SCN3A: variants seen among roughly 807,000 people sequenced by gnomAD.
SCN3A encodes the protein sodium voltage-gated channel alpha subunit 3, also known as sodium channel protein type 3 subunit alpha.
Under a neutral mutation model 187.6 loss-of-function variants are expected in SCN3A, and 60 were observed. The ratio of observed to expected loss-of-function variants is 0.32; its 90% CI spans 0.26 to 0.40. The LOEUF is 0.40. Among genes scored for constraint, SCN3A ranks in the 10% least tolerant of loss-of-function variants. The pLI is 1.00. For synonymous variants in SCN3A, 788 were observed against 829.2 expected, an observed-to-expected ratio of 0.95 and a Z score of 0.85; for missense variants, 1,601 against 2,428.2, an observed-to-expected ratio of 0.66 and a Z score of 7.16.
At chr2:165,198,550 T>C (rs1298059377) in intron 1 of SCN3A, among the ~76,000 whole-genome samples, 1 of 151,990 alleles carries the variant, frequency 6.6e-6, no homozygotes, top group Non-Finnish European at 1.5e-5. Flanking sequence ...AGGGAAATAT[T>C]TACTAACAAT....
At chr2:165,142,050 A>T (rs570744384) in intron 12 of SCN3A, among the ~76,000 whole-genome samples, 267 of 152,270 alleles carry the variant, frequency 1.8e-3, no homozygotes, top group African/African-American at 6.1e-3. Flanking sequence ...TTTCAAAAAC[A>T]TCTCTATTCA....
At chr2:165,165,905 A>G (rs901907223) in intron 5 of SCN3A, among the ~76,000 whole-genome samples, 4 of 152,172 alleles carry the variant, frequency 2.6e-5, no homozygotes, top group African/African-American at 9.7e-5. Context: ...AATAATTCCT[A>G]TCTTTACTTA....
intron 3 of SCN3A, among the ~76,000 whole-genome samples, chr2:165,175,629 G>A (rs964510251): frequency 1.3e-5 from 2 of 152,022 alleles, no homozygotes; most frequent in Admixed American, 1.3e-4. Context: ...GGGGGGAAAG[G>A]AATCTCTGGG....
chr2:165,171,851 T>G (rs988685346), intron 3 of SCN3A, among the ~76,000 whole-genome samples: 9 of 152,080 alleles, frequency 5.9e-5, no homozygotes, highest in Admixed American at 4.6e-4. Flanking sequence ...GTAATCTACT[T>G]TTTCTCCATT....
intron 3 of SCN3A, among the ~76,000 whole-genome samples, chr2:165,175,587 A>G (rs1690399388): frequency 6.6e-6 from 1 of 152,074 alleles, no homozygotes; most frequent in Admixed American, 6.6e-5. Flanking sequence ...TATAAGGTTA[A>G]GAGAAGATCC....
At chr2:165,104,116 TA>T (rs1685737552) in intron 21 of SCN3A, among the ~76,000 whole-genome samples, 1 of 152,012 alleles carries the variant, frequency 6.6e-6, no homozygotes, top group Non-Finnish European at 1.5e-5. Flanking sequence ...TCTTAACTTT[TA>T]AAAAAGTTTG....
intron 21 of SCN3A, among the ~76,000 whole-genome samples, chr2:165,108,182 A>G (rs940319536): frequency 2.6e-4 from 40 of 152,152 alleles, no homozygotes; most frequent in African/African-American, 9.2e-4. Context: ...CATTCCCACA[A>G]TAAGTGCTTA....
Position 165,188,129 on chromosome 2 carries a change from G to C in SCN3A, c.-247-1382C>G, listed in dbSNP as rs114063480. Among the ~76,000 whole-genome samples the C allele has an allele frequency of 7.4e-3, 1,120 of 152,250 alleles. 17 individuals carry two copies. The highest frequency in any genetic ancestry group is 0.026 in the African/African-American group (1,081 of 41,522). ...TAGGGAGGGCTGGATATCGAAGAGG[G>C]AATAAGGAGGAGCAGAAGGGTGGAG... On this transcript the variant is annotated intron_variant, in intron 1 of 27. Transcript: ENST00000283254.
rs544216970 is a variant in SCN3A, at chr2:165,151,220, C to A, written c.1380+3232G>T. 3.9e-5 allele frequency among the ~76,000 whole-genome samples: 6 copies of A among 152,206 alleles called. No individual in the cohort carries two copies. The South Asian group carries it at 1.2e-3, about 32-fold the overall frequency. On this transcript the variant is annotated intron_variant, in intron 11 of 27. Transcript: ENST00000283254. ...AACTCATTGCTGTATCTCCATTACC[C>A]CAAAAAATGCCTTGAGAAAGGACCT... is the stretch of plus-strand genomic sequence containing the variant.
intron 1 of SCN3A, among the ~76,000 whole-genome samples, chr2:165,188,735 G>A (rs1453284036): frequency 6.8e-6 from 1 of 147,942 alleles, no homozygotes; most frequent in Non-Finnish European, 1.5e-5. Context: ...GGCAGAGGTT[G>A]CAGTGAGCTG....
At position 165,091,220 on chromosome 2, in the gene SCN3A, G is replaced by A; in HGVS notation, c.4933C>T (p.Leu1645Phe). Reference sequence around the variant, plus strand: ...GGAAGGGACATCATCAAAGCAAAGAGCAGCGTGCGGATCCCCTTTGCTCCT... The same window carrying A: ...GGAAGGGACATCATCAAAGCAAAGAACAGCGTGCGGATCCCCTTTGCTCCT... Reference protein sequence around the residue: ...IKGAKGIRTLLFALMMSLPAL... With the variant: ...IKGAKGIRTLFFALMMSLPAL... The change falls in exon 28 of 28, where the codon CTC becomes TTC. Residue 1645 changes from leucine (L) to phenylalanine (F), a missense_variant. Coordinates refer to ENST00000283254, the MANE Select transcript of SCN3A (RefSeq NM_006922.4). 1 of 1,614,114 alleles carries A rather than the reference G, an allele frequency of 6.2e-7. No homozygotes were observed. The highest frequency in any genetic ancestry group is 8.5e-7 in the Non-Finnish European group (1 of 1,180,004).
intron 9 of SCN3A, among the ~76,000 whole-genome samples, chr2:165,160,789 C>T (rs1689316788): frequency 6.6e-6 from 1 of 151,964 alleles, no homozygotes; most frequent in African/African-American, 2.4e-5. Flanking sequence ...ACAGGTGTGC[C>T]CCACCACACC....
chr2:165,203,559 A>G (rs948138710), intron 1 of SCN3A, among the ~76,000 whole-genome samples: 3 of 152,074 alleles, frequency 2.0e-5, no homozygotes, highest in Non-Finnish European at 2.9e-5. Context: ...TCTGAATACA[A>G]TTAATCATAA....
intron 9 of SCN3A, among the ~76,000 whole-genome samples, chr2:165,160,446 G>A (rs115261024): frequency 1.1e-3 from 168 of 152,236 alleles, no homozygotes; most frequent in African/African-American, 4.0e-3. Context: ...GACTGTTGAT[G>A]TAAATTACTT....
At chr2:165,165,766 C>G (rs1689719559) in intron 5 of SCN3A, among the ~76,000 whole-genome samples, 1 of 152,142 alleles carries the variant, frequency 6.6e-6, no homozygotes, top group African/African-American at 2.4e-5. Flanking sequence ...GAAATGTTTT[C>G]TGCACAAGTT....
At chr2:165,108,116 G>A (rs1685946027) in intron 21 of SCN3A, among the ~76,000 whole-genome samples, 1 of 152,156 alleles carries the variant, frequency 6.6e-6, no homozygotes, top group Admixed American at 6.5e-5. Context: ...TACACAGTGT[G>A]CATTAAATCA....
chr2:165,095,481 G>A (rs1343627152), intron 25 of SCN3A, 30 bp downstream of exon 25: 20 of 1,606,172 alleles, frequency 1.2e-5, no homozygotes, highest in Non-Finnish European at 1.6e-5. Context: ...ACCCCAGAAT[G>A]AAGAAAGGTA....
intron 21 of SCN3A, among the ~76,000 whole-genome samples, chr2:165,111,647 A>G (rs545101731): frequency 6.6e-6 from 1 of 152,276 alleles, no homozygotes; most frequent in East Asian, 1.9e-4. Context: ...TTTATTATTA[A>G]GAAGCTGTGT....
At chr2:165,163,025 A>G (rs1375445563) in intron 7 of SCN3A, among the ~76,000 whole-genome samples, 197 bp from the exon 8 acceptor site, 1 of 152,200 alleles carries the variant, frequency 6.6e-6, no homozygotes, top group Non-Finnish European at 1.5e-5. Flanking sequence ...TGGAAATTCA[A>G]TATGAAGGTT....
Sources: allele counts gnomAD v4.1 joint callset (sites outside exome capture counted in the v4.1 genomes callset), GRCh38; gene constraint gnomAD v4.1.1; transcripts MANE v1.5; gene names NCBI Gene and HGNC (gene_info 2026-07-23, HGNC 2026-07-21).